NKAIN3: variants seen among roughly 807,000 people sequenced by gnomAD.
NKAIN3 encodes the protein sodium/potassium-transporting ATPase subunit beta-1-interacting protein 3.
A neutral mutation model predicts 30.2 loss-of-function variants in NKAIN3; 25 were observed. The ratio of observed to expected loss-of-function variants is 0.83; its 90% CI spans 0.60 to 1.16. The LOEUF is 1.16. Ranked by LOEUF, NKAIN3 falls within the 50% of genes most tolerant of loss-of-function variation. The pLI is 0.00. For synonymous variants in NKAIN3, 91 were observed against 89.6 expected, an observed-to-expected ratio of 1.02 and a Z score of -0.09; for missense variants, 225 against 254.1, an observed-to-expected ratio of 0.89 and a Z score of 0.78.
intron 3 of NKAIN3, among the ~76,000 whole-genome samples, chr8:62,673,244 A>G (rs1483637606): frequency 6.6e-6 from 1 of 152,216 alleles, no homozygotes; most frequent in Non-Finnish European, 1.5e-5. Context: ...AAAATTCTTC[A>G]TGTCTAAAGA....
intron 6 of NKAIN3, among the ~76,000 whole-genome samples, chr8:62,954,967 G>A (rs1244910593): frequency 6.6e-6 from 1 of 152,094 alleles, no homozygotes; most frequent in Non-Finnish European, 1.5e-5. Flanking sequence ...GTAATTTGAT[G>A]GCGATAGAAG....
intron 1 of NKAIN3, among the ~76,000 whole-genome samples, chr8:62,511,699 C>G (rs1322628926): frequency 6.6e-6 from 1 of 152,120 alleles, no homozygotes; most frequent in Non-Finnish European, 1.5e-5. Context: ...TTCATTTACT[C>G]CAAAGTGGCA....
Position 62,970,164 on chromosome 8 carries a change from C to A in NKAIN3, c.*4757C>A, listed in dbSNP as rs538179561. Among the ~76,000 whole-genome samples the A allele has an allele frequency of 2.0e-3, 301 of 152,150 alleles. No homozygotes were observed. Among genetic ancestry groups the A allele is most frequent in the Non-Finnish European group, 3.4e-3 (228 of 68,008 alleles). The stretch of plus-strand genomic sequence containing the variant: ...ATTACTTGAGCCCAGGAATTAGAGG[C>A]TGCAGTGAGTGCACTACTGCACTCC... On this transcript the variant is annotated 3_prime_UTR_variant, in exon 7 of 7. Transcript: ENST00000623646.
chr8:62,765,382 A>G (rs1161277439), intron 4 of NKAIN3, among the ~76,000 whole-genome samples: 1 of 152,174 alleles, frequency 6.6e-6, no homozygotes, highest in Non-Finnish European at 1.5e-5. Context: ...TCTTATTTCT[A>G]GAACCCCTTC....
intron 3 of NKAIN3, among the ~76,000 whole-genome samples, chr8:62,724,073 T>C (rs1317844634): frequency 6.6e-6 from 1 of 152,088 alleles, no homozygotes; most frequent in East Asian, 1.9e-4. Flanking sequence ...TTTGGTCCCT[T>C]CCAACAGAAC....
intron 1 of NKAIN3, among the ~76,000 whole-genome samples, chr8:62,262,993 CTT>C (rs2129390163): frequency 6.6e-6 from 1 of 152,180 alleles, no homozygotes; most frequent in African/African-American, 2.4e-5. Context: ...TATTAATTGT[CTT>C]AGTATATTTT....
At chr8:62,385,895 C>A (rs16928845) in intron 1 of NKAIN3, among the ~76,000 whole-genome samples, 21,114 of 152,154 alleles carry the variant, frequency 0.14, 1,748 homozygotes, top group East Asian at 0.4. Context: ...CATGCACCAT[C>A]GTTTGTTCAT....
chr8:62,370,898 A>G (rs1816886312), intron 1 of NKAIN3, among the ~76,000 whole-genome samples: 1 of 151,962 alleles, frequency 6.6e-6, no homozygotes, highest in South Asian at 2.1e-4. Flanking sequence ...TTTAAAACCA[A>G]TGAAAGTAGA....
At chr8:62,732,792 A>G (rs996124483) in intron 3 of NKAIN3, among the ~76,000 whole-genome samples, 1 of 152,036 alleles carries the variant, frequency 6.6e-6, no homozygotes, top group Non-Finnish European at 1.5e-5. Flanking sequence ...TACTAGTATA[A>G]TTATATCACA....
At chr8:62,891,582 T>C (rs1821297216) in intron 4 of NKAIN3, among the ~76,000 whole-genome samples, 1 of 152,198 alleles carries the variant, frequency 6.6e-6, no homozygotes, top group Admixed American at 6.5e-5. Context: ...CCCTGACTAA[T>C]ACAGCAAGTG....
At chr8:62,276,491 G>T (rs1812967427) in intron 1 of NKAIN3, among the ~76,000 whole-genome samples, 2 of 152,186 alleles carry the variant, frequency 1.3e-5, no homozygotes, top group South Asian at 4.1e-4. Flanking sequence ...TTATTGTGCT[G>T]CTGATGATCT....
intron 1 of NKAIN3, among the ~76,000 whole-genome samples, chr8:62,276,505 G>C (rs1226337673): frequency 6.6e-6 from 1 of 152,170 alleles, no homozygotes; most frequent in Non-Finnish European, 1.5e-5. Flanking sequence ...ATGATCTCAA[G>C]CTCTGTACTA....
At chr8:62,871,694 G>A (rs1820652119) in intron 4 of NKAIN3, among the ~76,000 whole-genome samples, 1 of 152,178 alleles carries the variant, frequency 6.6e-6, no homozygotes, top group Admixed American at 6.5e-5. Context: ...CTTTGGGAAG[G>A]GAGCAGGGCA....
At chr8:62,869,960 C>G (rs1027027348) in intron 4 of NKAIN3, among the ~76,000 whole-genome samples, 91 of 151,658 alleles carry the variant, frequency 6.0e-4, no homozygotes, top group African/African-American at 2.1e-3. Flanking sequence ...TTAGTAGAGA[C>G]GGGGTTTCGC....
At chr8:62,448,922 G>A (rs1480754365) in intron 1 of NKAIN3, among the ~76,000 whole-genome samples, 2 of 151,836 alleles carry the variant, frequency 1.3e-5, no homozygotes, top group Non-Finnish European at 2.9e-5. Flanking sequence ...TTAATTTGAG[G>A]TTATATTGTC....
rs1554548990 is a variant in NKAIN3 at position 62,571,154 on chromosome 8, TTC to T, written c.55-8384_55-8383del. On this transcript the variant is annotated intron_variant, in intron 1 of 6. Transcript: ENST00000623646. ...AAATAGGCTTATTTTTTTTTTTTTT[TTC>T]AGACAGTCTCACTCTACTGCCCAGA... Among the ~76,000 whole-genome samples the T allele has an allele frequency of 2.7e-3, 382 of 142,376 alleles. 3 individuals carry two copies. The highest frequency in any genetic ancestry group is 8.6e-3 in the African/African-American group (345 of 40,152). 93.4% of individuals were successfully genotyped at this position (142,376 alleles called of 152,430 possible). A position where few individuals can be genotyped will look rare whatever the true frequency, so the allele number is the denominator to read the frequency against.
At chr8:62,360,718 G>A (rs1031981981) in intron 1 of NKAIN3, among the ~76,000 whole-genome samples, 2 of 151,908 alleles carry the variant, frequency 1.3e-5, no homozygotes, top group Non-Finnish European at 2.9e-5. Context: ...TTGTCAGTGG[G>A]GTGTTAAAGT....
intron 3 of NKAIN3, among the ~76,000 whole-genome samples, chr8:62,690,385 A>G (rs899747099): frequency 6.6e-6 from 1 of 152,218 alleles, no homozygotes; most frequent in Non-Finnish European, 1.5e-5. Flanking sequence ...TTGTCCTTGA[A>G]AAAAGGAAGA....
chr8:62,579,106 C>T (rs142699848), intron 1 of NKAIN3, among the ~76,000 whole-genome samples: 9 of 151,910 alleles, frequency 5.9e-5, no homozygotes, highest in Non-Finnish European at 1.0e-4. Flanking sequence ...CTCTACTTAC[C>T]CTGCTGTGAT....
Sources: gnomAD v4.1 joint callset for allele counts (sites outside exome capture counted in the v4.1 genomes callset) on GRCh38, gnomAD v4.1.1 for gene constraint, MANE v1.5 for transcripts, NCBI Gene and HGNC (gene_info 2026-07-23, HGNC 2026-07-21) for gene names.